ARMC6: variants seen among roughly 807,000 people sequenced by gnomAD.
ARMC6 encodes armadillo repeat containing 6.
Under a neutral mutation model 49.2 loss-of-function variants are expected in ARMC6, and 43 were observed. The observed-to-expected ratio is 0.87, with a 90% CI of 0.69 to 1.13. The LOEUF is 1.13. Among genes scored for constraint, ARMC6 ranks in the 50% most tolerant of loss-of-function variants. ARMC6 has a pLI of 0.00. For missense variants in ARMC6, 627 were observed against 682.0 expected (o/e 0.92, Z 0.90); for synonymous variants, 262 against 289.6 (o/e 0.90, Z 0.97).
Position 19,052,066 on chromosome 19 carries a change from G to T in ARMC6, c.724G>T (p.Ala242Ser), listed in dbSNP as rs1198888328. 4 of 1,613,978 alleles carry T rather than the reference G, an allele frequency of 2.5e-6. No individual in the cohort carries two copies. Among genetic ancestry groups the T allele is most frequent in the Non-Finnish European group, 3.4e-6 (4 of 1,180,054 alleles). ...HGHHTDVVRE[A>S]CWALRVMTFD... ...CCACCACACTGACGTGGTCAGGGAA[G>T]CCTGCTGGGCCCTGCGTGTCATGAC... is the stretch of plus-strand genomic sequence containing the variant. The change falls in exon 5 of 9, where the codon GCC becomes TCC. Residue 242 changes from alanine to serine, a missense_variant. By Grantham distance (99) the Ala-to-Ser change is moderately conservative. Coordinates refer to ENST00000535612, the MANE Select transcript of ARMC6 (RefSeq NM_001199196.2).
chr19:19,048,326 A>G (rs1025951743), intron 4 of ARMC6, among the ~76,000 whole-genome samples: 15 of 151,890 alleles, frequency 9.9e-5, no homozygotes, highest in Non-Finnish European at 1.6e-4. Context: ...AGCCTTGGTA[A>G]CAAGAGCGAA....
chr19:19,040,654 C>CTTTTT, intron 2 of ARMC6: 4 of 275,052 alleles, frequency 1.5e-5, no homozygotes, highest in East Asian at 1.3e-4. Context: ...CAGAGTTTGA[C>CTTTTT]TTTTTTTTTT....
At chr19:19,038,529 C>T (rs146472354) in intron 2 of ARMC6, among the ~76,000 whole-genome samples, 1 of 152,150 alleles carries the variant, frequency 6.6e-6, no homozygotes, top group African/African-American at 2.4e-5. Flanking sequence ...AGTGTTGATA[C>T]CTACCCCTGG....
intron 4 of ARMC6, among the ~76,000 whole-genome samples, chr19:19,048,099 C>T (rs544508508): frequency 6.6e-6 from 1 of 152,240 alleles, no homozygotes; most frequent in East Asian, 1.9e-4. Context: ...GTAATCCCAG[C>T]ACTTTGGGAG....
At chr19:19,034,030 G>GA (rs3214142) in intron 1 of ARMC6, 100 bp downstream of exon 1, 14,302 of 520,912 alleles carry the variant, frequency 0.027, 204 homozygotes, top group African/African-American at 0.088. Context: ...GGTTTGGGGG[G>GA]AAAAAAAAAA....
At position 19,034,148 on chromosome 19, in the gene ARMC6, C is replaced by T; in HGVS notation, c.-62C>T. ...TCATTCAGCACCTGTGCACTGAGTG[C>T]CTGCTGCGTGTCGGGCCCCGTCCTA... On this transcript the variant is annotated 5_prime_UTR_variant, in exon 2 of 9. Transcript: ENST00000535612. 8.6e-7 allele frequency: 1 copy of T among 1,157,326 alleles called. No homozygotes were observed. Among genetic ancestry groups the T allele is most frequent in the Non-Finnish European group, 1.3e-6 (1 of 786,110 alleles). 71.7% of individuals were successfully genotyped at this position (1,157,326 alleles called of 1,614,324 possible).
intron 4 of ARMC6, among the ~76,000 whole-genome samples, chr19:19,045,752 C>T (rs897923270): frequency 2.6e-5 from 4 of 151,060 alleles, no homozygotes; most frequent in East Asian, 2.0e-4. Flanking sequence ...CCTGGGCTCA[C>T]GCCATTCTCC....
At position 19,053,468 on chromosome 19, in the gene ARMC6, C is replaced by A. The variant is rs141938085; in HGVS notation, c.854-684C>A. ...CGCCACTGCACTCCAGCCTTGGTGA[C>A]AAAGCGAGACTCTGTCTCAAAAAAA... On this transcript the variant is annotated intron_variant, in intron 5 of 8. Coordinates refer to ENST00000535612, the MANE Select transcript of ARMC6 (RefSeq NM_001199196.2). Among the ~76,000 whole-genome samples the A allele has an allele frequency of 8.5e-3, 1,297 of 152,016 alleles. 10 individuals are homozygous for A. The highest frequency in any genetic ancestry group is 0.014 in the Non-Finnish European group (951 of 68,006).
Position 19,055,797 on chromosome 19 carries a change from G to T in ARMC6, c.1162G>T (p.Glu388Ter). 6.3e-7 allele frequency: 1 copy of T among 1,576,828 alleles called. No individual in the cohort carries two copies. The highest frequency in any genetic ancestry group is 8.7e-7 in the Non-Finnish European group (1 of 1,155,000). The change falls in exon 8 of 9, where the codon GAG becomes TAG. Residue 388 changes from glutamate to a stop codon, truncating the protein, a stop_gained. Transcript: ENST00000535612. LOFTEE classifies it high-confidence loss of function. The surrounding 1 kb of genome is among the most constrained non-coding windows in gnomAD (Gnocchi z 5.7). ...CTGTGACTGGCCCCTGCAGGTGTGTGAGCAGAGCTGCGCGGCCCTGTGCTT... is the reference window on the plus strand; with the variant it reads ...CTGTGACTGGCCCCTGCAGGTGTGTTAGCAGAGCTGCGCGGCCCTGTGCTT... ...TQHLTSPQVCEQSCAALCFLA... is the reference protein window; with the variant it reads ...TQHLTSPQVC
intron 4 of ARMC6, 83 bp downstream of exon 4, chr19:19,044,157 A>G (rs1286752472): frequency 2.9e-6 from 4 of 1,373,958 alleles, no homozygotes; most frequent in African/African-American, 2.8e-5. Context: ...ATGGCAGAAT[A>G]CAGGCTCTGA....
At chr19:19,052,269 C>G in intron 5 of ARMC6, 74 bp downstream of exon 5, 1 of 1,380,970 alleles carries the variant, frequency 7.2e-7, no homozygotes, top group Non-Finnish European at 9.7e-7. Flanking sequence ...AGGGTCAGGG[C>G]TCAGGACTGC....
rs2059500277 is a variant in ARMC6, at chr19:19,051,877, C to A, written c.535C>A (p.Gln179Lys). ...AGACCTCCTGGATGCCCAGGGCCTGCAGCTCCTAGTGGCCACGCTGACCCA... is the reference window on the plus strand; with the variant it reads ...AGACCTCCTGGATGCCCAGGGCCTGAAGCTCCTAGTGGCCACGCTGACCCA... Reference protein sequence around the residue: ...QPDLLDAQGLQLLVATLTQNA... With the variant: ...QPDLLDAQGLKLLVATLTQNA... The change falls in exon 5 of 9, where the codon CAG becomes AAG. Residue 179 changes from glutamine (Q) to lysine (K), a missense_variant. Gln to Lys is a moderately conservative substitution (Grantham distance 53). Transcript: ENST00000535612. 2 of 1,614,038 alleles carry A rather than the reference C, an allele frequency of 1.2e-6. No homozygotes were observed. Among genetic ancestry groups the A allele is most frequent in the Admixed American group, 3.3e-5 (2 of 60,010 alleles).
intron 6 of ARMC6, among the ~76,000 whole-genome samples, chr19:19,054,973 C>T (rs959326565): frequency 6.6e-6 from 1 of 152,194 alleles, no homozygotes; most frequent in Non-Finnish European, 1.5e-5. Context: ...GGGCAGTTAG[C>T]GCCTACCCTG....
At chr19:19,033,965 C>CGGAGTGG in intron 1 of ARMC6, 35 bp downstream of exon 1, 1 of 520,386 alleles carries the variant, frequency 1.9e-6, no homozygotes, top group Admixed American at 3.3e-5. Context: ...CTGTCCCGCG[C>CGGAGTGG]GGAGTGGGGA....
rs150015735 is a variant in ARMC6 at position 19,037,564 on chromosome 19, G to A, written c.29+3326G>A. The stretch of plus-strand genomic sequence containing the variant: ...GTATTTTTTATAGAGATGGAGTTTC[G>A]CCACGTGTCCAGGCTGGTCTCAAAC... On this transcript the variant is annotated intron_variant, in intron 2 of 8. Coordinates refer to ENST00000535612, the MANE Select transcript of ARMC6 (RefSeq NM_001199196.2). 2.8e-5 allele frequency: 26 copies of A among 930,310 alleles called. No homozygotes were observed. The East Asian group carries it at 3.9e-4, about 14-fold the overall frequency. 57.6% of individuals were successfully genotyped at this position (930,310 alleles called of 1,614,324 possible).
chr19:19,048,297 G>A (rs1033422227), intron 4 of ARMC6, among the ~76,000 whole-genome samples: 1 of 152,182 alleles, frequency 6.6e-6, no homozygotes, highest in African/African-American at 2.4e-5. Context: ...AGTGAGCCAA[G>A]ATTGCACCAT....
chr19:19,037,440 G>A, intron 2 of ARMC6: 1 of 302,882 alleles, frequency 3.3e-6, no homozygotes, highest in Non-Finnish European at 6.5e-6. Context: ...TCAGGGATAT[G>A]ATCTCAGCTC....
chr19:19,042,325 A>G (rs1160026933), intron 2 of ARMC6, among the ~76,000 whole-genome samples: 3 of 152,212 alleles, frequency 2.0e-5, no homozygotes, highest in African/African-American at 4.8e-5. Context: ...GATAAAATGT[A>G]GTAAACTCTG....
At chr19:19,044,408 A>G (rs1393472686) in intron 4 of ARMC6, among the ~76,000 whole-genome samples, 1 of 152,142 alleles carries the variant, frequency 6.6e-6, no homozygotes, top group African/African-American at 2.4e-5. Context: ...ATAGGACGAG[A>G]GAGTGGGCTC....
Sources: allele counts gnomAD v4.1 joint callset (sites outside exome capture counted in the v4.1 genomes callset), GRCh38; gene constraint gnomAD v4.1.1; non-coding constraint Gnocchi (gnomAD v3.1); transcripts MANE v1.5; gene names NCBI Gene and HGNC (gene_info 2026-07-23, HGNC 2026-07-21).